NAALADL2: variants seen among roughly 807,000 people sequenced by gnomAD.
The protein encoded by NAALADL2 is N-acetylated alpha-linked acidic dipeptidase like 2, also known as inactive N-acetylated-alpha-linked acidic dipeptidase-like protein 2.
NAALADL2 carries 76 observed loss-of-function variants against 87.2 expected under a neutral mutation model. The ratio of observed to expected loss-of-function variants is 0.87; its 90% CI spans 0.72 to 1.05. The LOEUF (loss-of-function observed/expected upper bound fraction) is 1.05, where lower values mean the gene tolerates loss of function less well. Ranked by LOEUF, NAALADL2 falls within the 50% of genes least tolerant of loss-of-function variation. NAALADL2 has a pLI of 0.00. For synonymous variants in NAALADL2, 354 were observed against 331.0 expected (o/e 1.07, Z -0.75); for missense variants, 1,089 against 945.8 (o/e 1.15, Z -1.99).
Position 175,779,994 on chromosome 3 carries a change from C to T in NAALADL2, c.2190-23011C>T, listed in dbSNP as rs1008438176. Among the ~76,000 whole-genome samples the T allele has an allele frequency of 6.6e-5, 10 of 151,844 alleles. No individual in the cohort carries two copies. In the South Asian group the frequency reaches 8.3e-4, roughly 13 times the overall value. ...ATTTTTCCAAATAGTCAGGGCCGGG[C>T]GCGGTGGCTCACGCCTGTAATCCCA... On this transcript the variant is annotated intron_variant, in intron 13 of 13. Transcript: ENST00000454872.
At chr3:174,481,450 T>C (rs1415999453) in intron 1 of NAALADL2, among the ~76,000 whole-genome samples, 2 of 151,936 alleles carry the variant, frequency 1.3e-5, no homozygotes, top group Non-Finnish European at 2.9e-5. Flanking sequence ...AGTGTTTACA[T>C]AAGAAATGCT....
intron 1 of NAALADL2, among the ~76,000 whole-genome samples, chr3:174,874,169 G>A (rs578185038): frequency 1.3e-5 from 2 of 152,182 alleles, no homozygotes; most frequent in East Asian, 1.9e-4. Flanking sequence ...ACATGAGTAC[G>A]ATATAGTTAA....
At chr3:175,352,161 G>C (rs1005813918) in intron 5 of NAALADL2, among the ~76,000 whole-genome samples, 2 of 123,140 alleles carry the variant, frequency 1.6e-5, no homozygotes, top group Non-Finnish European at 3.4e-5. Context: ...AAAGGAGACT[G>C]GCTTGGATTT....
intron 2 of NAALADL2, among the ~76,000 whole-genome samples, chr3:175,185,659 T>C (rs865977139): frequency 1.3e-5 from 2 of 151,558 alleles, no homozygotes; most frequent in Non-Finnish European, 3.0e-5. Context: ...AGGAAGATTA[T>C]GATCGTGGCA....
intron 2 of NAALADL2, among the ~76,000 whole-genome samples, chr3:174,675,978 G>C (rs1216550473): frequency 6.6e-6 from 1 of 152,114 alleles, no homozygotes; most frequent in South Asian, 2.1e-4. Flanking sequence ...TTTTATTCAA[G>C]TATAGTGGTC....
At chr3:175,745,945 G>A (rs935386242) in intron 12 of NAALADL2, among the ~76,000 whole-genome samples, 1 of 151,996 alleles carries the variant, frequency 6.6e-6, no homozygotes, top group Non-Finnish European at 1.5e-5. Flanking sequence ...TAGCATTATC[G>A]TAAAGACTTC....
chr3:175,781,707 A>AT (rs886962164), intron 13 of NAALADL2, among the ~76,000 whole-genome samples: 2 of 149,156 alleles, frequency 1.3e-5, no homozygotes, highest in Admixed American at 6.7e-5. Flanking sequence ...TAACGCTTTT[A>AT]TTTTTTTTAT....
intron 1 of NAALADL2, among the ~76,000 whole-genome samples, chr3:174,968,289 A>G (rs1743144231): frequency 6.6e-6 from 1 of 152,178 alleles, no homozygotes; most frequent in Non-Finnish European, 1.5e-5. Context: ...ACTATTTGTC[A>G]GAAGCCCTCC....
intron 1 of NAALADL2, among the ~76,000 whole-genome samples, chr3:175,079,685 G>A (rs908839836): frequency 2.6e-5 from 4 of 152,124 alleles, no homozygotes; most frequent in Admixed American, 6.5e-5. Context: ...TAGGGAAAGT[G>A]ACTATTTATG....
At chr3:174,823,660 G>GA (rs1721663328) in intron 3 of NAALADL2, among the ~76,000 whole-genome samples, 1 of 152,236 alleles carries the variant, frequency 6.6e-6, no homozygotes, top group African/African-American at 2.4e-5. Flanking sequence ...TATAAGGAAA[G>GA]AAAACTTAAT....
At chr3:175,688,939 G>A (rs1021035237) in intron 11 of NAALADL2, among the ~76,000 whole-genome samples, 1 of 152,144 alleles carries the variant, frequency 6.6e-6, no homozygotes, top group African/African-American at 2.4e-5. Context: ...CTCTGTCTGT[G>A]CACCAAATCT....
In NAALADL2 at chr3:175,784,540, G is replaced by A. The variant is rs1278805497; in HGVS notation, c.2190-18465G>A. On this transcript the variant is annotated intron_variant, in intron 13 of 13. Transcript: ENST00000454872. ...TGGTAGTTTGTATTTCTGTGGGATC[G>A]GTGGTGATATCCCCTTTATCATTTT... 5.7e-3 allele frequency among the ~76,000 whole-genome samples: 778 copies of A among 136,650 alleles called. 1 individual carries two copies. Among genetic ancestry groups the A allele is most frequent in the African/African-American group, 0.014 (447 of 31,400 alleles). 89.6% of individuals were successfully genotyped at this position (136,650 alleles called of 152,430 possible).
chr3:175,025,955 G>A (rs558552961), intron 1 of NAALADL2, among the ~76,000 whole-genome samples: 9 of 151,996 alleles, frequency 5.9e-5, no homozygotes, highest in Non-Finnish European at 1.3e-4. Flanking sequence ...GACTGTAGGT[G>A]CATACCACTA....
chr3:174,966,924 G>A (rs544396845), intron 1 of NAALADL2, among the ~76,000 whole-genome samples: 1 of 152,132 alleles, frequency 6.6e-6, no homozygotes, highest in South Asian at 2.1e-4. Flanking sequence ...GAAAATAAGT[G>A]ACATAAAGGT....
chr3:175,318,120 T>G (rs984951540), intron 4 of NAALADL2, among the ~76,000 whole-genome samples: 8 of 152,116 alleles, frequency 5.3e-5, no homozygotes, highest in Non-Finnish European at 8.8e-5. Flanking sequence ...TATGCCTCTC[T>G]TTATAGTAGT....
At chr3:175,621,690 A>G (rs1274922004) in intron 10 of NAALADL2, among the ~76,000 whole-genome samples, 3 of 152,208 alleles carry the variant, frequency 2.0e-5, no homozygotes, top group African/African-American at 7.2e-5. Flanking sequence ...TATAACAACT[A>G]TTTACATAGT....
At position 175,549,227 on chromosome 3, in the gene NAALADL2, C is replaced by T. The variant is rs371951488; in HGVS notation, c.1654-26814C>T. On this transcript the variant is annotated intron_variant, in intron 9 of 13. Transcript: ENST00000454872. ...TATTTTCATTACTCTGTAAATAATACACCACCCTTTTTGTTTAGATTTGGA... is the reference window on the plus strand; with the variant it reads ...TATTTTCATTACTCTGTAAATAATATACCACCCTTTTTGTTTAGATTTGGA... 1.4e-4 allele frequency among the ~76,000 whole-genome samples: 22 copies of T among 151,936 alleles called. No individual in the cohort carries two copies. The East Asian group carries it at 3.5e-3, about 24-fold the overall frequency.
At chr3:175,568,082 T>C (rs535123071) in intron 9 of NAALADL2, among the ~76,000 whole-genome samples, 100 of 152,114 alleles carry the variant, frequency 6.6e-4, no homozygotes, top group Non-Finnish European at 1.3e-3. Flanking sequence ...TAATCTTTAA[T>C]AAAGGCATTG....
At chr3:174,501,542 G>A (rs1031658238) in intron 1 of NAALADL2, among the ~76,000 whole-genome samples, 1 of 152,102 alleles carries the variant, frequency 6.6e-6, no homozygotes, top group African/African-American at 2.4e-5. Context: ...TTATTTGTGG[G>A]AAGAGTTTTA....
Sources: gnomAD v4.1 joint callset for allele counts (sites outside exome capture counted in the v4.1 genomes callset) on GRCh38, gnomAD v4.1.1 for gene constraint, MANE v1.5 for transcripts, NCBI Gene and HGNC (gene_info 2026-07-23, HGNC 2026-07-21) for gene names.